HS6ST3: variants seen among roughly 807,000 people sequenced by gnomAD.
HS6ST3 encodes the protein heparan sulfate 6-O-sulfotransferase 3, also known as heparan-sulfate 6-O-sulfotransferase 3.
Under a neutral mutation model 36.7 loss-of-function variants are expected in HS6ST3, and 12 were observed. That is an observed-to-expected ratio of 0.33 (90% CI 0.21 to 0.53). The LOEUF is 0.53. Ranked by LOEUF, HS6ST3 falls within the 20% of genes least tolerant of loss-of-function variation. HS6ST3 has a pLI of 0.95. For missense variants in HS6ST3, 584 were observed against 640.9 expected, an observed-to-expected ratio of 0.91 and a Z score of 0.96; for synonymous variants, 240 against 257.5, an observed-to-expected ratio of 0.93 and a Z score of 0.65.
intron 1 of HS6ST3, among the ~76,000 whole-genome samples, chr13:96,713,621 A>G (rs1875621740): frequency 6.6e-6 from 1 of 152,156 alleles, no homozygotes; most frequent in African/African-American, 2.4e-5. Flanking sequence ...GCATTCAACA[A>G]TTTTGTGACT....
chr13:96,827,252 G>C (rs1878668451), intron 1 of HS6ST3, among the ~76,000 whole-genome samples: 3 of 152,114 alleles, frequency 2.0e-5, no homozygotes, highest in Admixed American at 2.0e-4. Context: ...TTAAAGTTTG[G>C]AGAATTAAAA....
intron 1 of HS6ST3, among the ~76,000 whole-genome samples, chr13:96,693,482 TTA>T (rs1875033053): frequency 6.6e-5 from 10 of 152,206 alleles, no homozygotes; most frequent in Middle Eastern, 3.4e-3. Context: ...TTTTGTATTT[TTA>T]TAGAGATGGA....
At chr13:96,727,119 C>A (rs1310897799) in intron 1 of HS6ST3, among the ~76,000 whole-genome samples, 1 of 152,150 alleles carries the variant, frequency 6.6e-6, no homozygotes, top group Non-Finnish European at 1.5e-5. Context: ...ATACTCTTTA[C>A]TCAGCACCTA....
chr13:96,125,537 A>G (rs1012798168), intron 1 of HS6ST3, among the ~76,000 whole-genome samples: 1 of 152,062 alleles, frequency 6.6e-6, no homozygotes, highest in African/African-American at 2.4e-5. Context: ...CTATCATACT[A>G]TATCTTCATA....
chr13:96,163,222 ATTTTTTTTTTT>A (rs147731415), intron 1 of HS6ST3, among the ~76,000 whole-genome samples: 2 of 79,076 alleles, frequency 2.5e-5, no homozygotes, highest in African/African-American at 5.7e-5. Context: ...TCTGAGATAC[ATTTTTTTTTTT>A]TTTTTTTTTT....
intron 1 of HS6ST3, among the ~76,000 whole-genome samples, chr13:96,440,403 G>A (rs1324902578): frequency 3.4e-5 from 5 of 148,088 alleles, no homozygotes; most frequent in Non-Finnish European, 5.9e-5. Context: ...TCGAGGTTGT[G>A]CCACTGCACT....
intron 1 of HS6ST3, among the ~76,000 whole-genome samples, chr13:96,543,026 C>T (rs1394290943): frequency 1.3e-5 from 2 of 152,154 alleles, no homozygotes; most frequent in African/African-American, 4.8e-5. Context: ...CAGAAACCAA[C>T]GAGAGCTCTG....
At chr13:96,328,030 T>G (rs907102224) in intron 1 of HS6ST3, among the ~76,000 whole-genome samples, 36 of 148,116 alleles carry the variant, frequency 2.4e-4, no homozygotes, top group Middle Eastern at 3.4e-3. Flanking sequence ...ACATTGATTT[T>G]GTATCCTGAG....
At chr13:96,311,376 T>G (rs2054940237) in intron 1 of HS6ST3, among the ~76,000 whole-genome samples, 1 of 152,138 alleles carries the variant, frequency 6.6e-6, no homozygotes. Flanking sequence ...ATTAACAAAA[T>G]GCATGAAATT....
intron 1 of HS6ST3, among the ~76,000 whole-genome samples, chr13:96,699,471 A>G (rs1875226597): frequency 1.3e-5 from 2 of 152,254 alleles, no homozygotes; most frequent in South Asian, 2.1e-4. Flanking sequence ...GAAGACATTT[A>G]TGCAGCCAAC....
chr13:96,769,410 A>G (rs1877200885), intron 1 of HS6ST3, among the ~76,000 whole-genome samples: 1 of 149,314 alleles, frequency 6.7e-6, no homozygotes, highest in African/African-American at 2.5e-5. Context: ...CTCGTCATCT[A>G]GCATTAGGTA....
intron 1 of HS6ST3, among the ~76,000 whole-genome samples, chr13:96,430,688 C>A (rs2055610948): frequency 6.6e-6 from 1 of 152,166 alleles, no homozygotes; most frequent in African/African-American, 2.4e-5. Flanking sequence ...AGTAAGGGCT[C>A]CCCTGAGGCC....
intron 1 of HS6ST3, among the ~76,000 whole-genome samples, chr13:96,406,478 G>A (rs1446888321): frequency 6.6e-6 from 1 of 152,172 alleles, no homozygotes; most frequent in Non-Finnish European, 1.5e-5. Context: ...AGTGCTGTAT[G>A]TATTCATCTT....
chr13:96,705,860 C>T (rs924817050), intron 1 of HS6ST3, among the ~76,000 whole-genome samples: 18 of 152,168 alleles, frequency 1.2e-4, no homozygotes, highest in Admixed American at 3.3e-4. Context: ...CTAGTCTCAT[C>T]GAGTCTCCAG....
At position 96,624,643 on chromosome 13, in the gene HS6ST3, TTATATC is replaced by T. The variant is rs2056506053; in HGVS notation, c.708-207843_708-207838del. Among the ~76,000 whole-genome samples, 3 of 152,118 alleles carry T rather than the reference TTATATC, an allele frequency of 2.0e-5. No individual in the cohort carries two copies. In the South Asian group the frequency reaches 6.2e-4, roughly 32 times the overall value. ...GTCACCATTGTGTACTGTTCCATCT[TTATATC>T]TATGTATACCCAATGATTAGTTCCC... On this transcript the variant is annotated intron_variant, in intron 1 of 1. Transcript: ENST00000376705.
chr13:96,616,270 G>A (rs190405983), intron 1 of HS6ST3, among the ~76,000 whole-genome samples: 1 of 152,164 alleles, frequency 6.6e-6, no homozygotes, highest in East Asian at 1.9e-4. Flanking sequence ...CTAGACAATT[G>A]ACTAGAAATC....
intron 1 of HS6ST3, among the ~76,000 whole-genome samples, chr13:96,575,817 A>G (rs2056318640): frequency 6.6e-6 from 1 of 152,126 alleles, no homozygotes; most frequent in African/African-American, 2.4e-5. Context: ...AGAACTAGGG[A>G]ACTTGGAAGA....
chr13:96,529,373 G>A (rs184918975), intron 1 of HS6ST3, among the ~76,000 whole-genome samples: 1 of 152,076 alleles, frequency 6.6e-6, no homozygotes, highest in Non-Finnish European at 1.5e-5. Context: ...TTGAATCAGG[G>A]TAGTCATGTT....
At chr13:96,421,886 T>C (rs2055564439) in intron 1 of HS6ST3, among the ~76,000 whole-genome samples, 1 of 152,220 alleles carries the variant, frequency 6.6e-6, no homozygotes, top group African/African-American at 2.4e-5. Flanking sequence ...ATATTTGGCA[T>C]GTAGATAAGT....
Sources: gnomAD v4.1 joint callset for allele counts (sites outside exome capture counted in the v4.1 genomes callset) on GRCh38, gnomAD v4.1.1 for gene constraint, MANE v1.5 for transcripts, NCBI Gene and HGNC (gene_info 2026-07-23, HGNC 2026-07-21) for gene names.